RBPJ: variants seen among roughly 807,000 people sequenced by gnomAD.
RBPJ encodes recombination signal binding protein for immunoglobulin kappa J region, also known as recombining binding protein suppressor of hairless.
RBPJ carries 9 observed loss-of-function variants against 67.8 expected under a neutral mutation model. The ratio of observed to expected loss-of-function variants is 0.13; its 90% CI spans 0.08 to 0.23. The LOEUF (loss-of-function observed/expected upper bound fraction) is 0.23. Ranked by LOEUF, RBPJ falls within the 10% of genes least tolerant of loss-of-function variation. The probability of loss-of-function intolerance (pLI) is 1.00; values close to 1 mark genes in which losing one functional copy is unlikely to be tolerated. For missense variants in RBPJ, 305 were observed against 595.6 expected (o/e 0.51, Z 5.08); for synonymous variants, 198 against 203.3 (o/e 0.97, Z 0.22).
rs112824294 is a variant in RBPJ at position 26,374,495 on chromosome 4, A to G, written c.21-11858A>G. Among the ~76,000 whole-genome samples, 1,277 of 146,576 alleles carry G rather than the reference A, an allele frequency of 8.7e-3. 7 individuals carry two copies. Among genetic ancestry groups the G allele is most frequent in the Middle Eastern group, 0.028 (8 of 286 alleles). ...CACCCTTTTCTTTTTTTTTTTTTCGAGATGGAATCTCGCTCTGTCACCAGG... is the reference window on the plus strand; with the variant it reads ...CACCCTTTTCTTTTTTTTTTTTTCGGGATGGAATCTCGCTCTGTCACCAGG... On this transcript the variant is annotated intron_variant, in intron 1 of 10. Coordinates refer to ENST00000355476, the MANE Select transcript of RBPJ (RefSeq NM_015874.6).
upstream of RBPJ, among the ~76,000 whole-genome samples, chr4:26,316,044 A>G (rs1460955645): frequency 6.6e-6 from 1 of 152,088 alleles, no homozygotes; most frequent in Non-Finnish European, 1.5e-5. Flanking sequence ...TTTACAATCA[A>G]TTTGTACAAC....
intron 1 of RBPJ, among the ~76,000 whole-genome samples, chr4:26,199,262 G>A (rs1717895237): frequency 6.6e-6 from 1 of 152,144 alleles, no homozygotes; most frequent in Non-Finnish European, 1.5e-5. Context: ...TGGCCAACAT[G>A]GTGAAACCCC....
At chr4:26,255,796 C>A (rs1366685894) in intron 1 of RBPJ, among the ~76,000 whole-genome samples, 1 of 140,400 alleles carries the variant, frequency 7.1e-6, no homozygotes, top group Non-Finnish European at 1.5e-5. Flanking sequence ...AGCAAGACTC[C>A]GTCTCAAAAA....
chr4:26,399,851 G>C (rs1288484720), intron 2 of RBPJ, among the ~76,000 whole-genome samples: 2 of 151,942 alleles, frequency 1.3e-5, no homozygotes, highest in Admixed American at 1.3e-4. Context: ...GCTAGTTTTT[G>C]TATTTTTTGT....
intron 1 of RBPJ, among the ~76,000 whole-genome samples, chr4:26,232,869 C>A (rs1473304016): frequency 6.6e-6 from 1 of 152,116 alleles, no homozygotes; most frequent in African/African-American, 2.4e-5. Flanking sequence ...AAATAAATCC[C>A]TATATGTAAA....
At chr4:26,139,659 A>G in the RBPJ span, among the ~76,000 whole-genome samples, 3 of 152,034 alleles carry the variant, frequency 2.0e-5, no homozygotes, top group Admixed American at 2.0e-4. Flanking sequence ...GCAGAGGCAA[A>G]TGGAGCCTGG....
chr4:26,351,054 CTATATTATATACGTTATATATTA>C (rs1577497520), intron 1 of RBPJ, among the ~76,000 whole-genome samples: 1 of 151,874 alleles, frequency 6.6e-6, no homozygotes, highest in East Asian at 1.9e-4. Context: ...TAATGGAACA[CTATATTATATACGTTATATATTA>C]TATATTATAT....
At chr4:26,124,131 G>A in the RBPJ span, among the ~76,000 whole-genome samples, 1 of 151,804 alleles carries the variant, frequency 6.6e-6, no homozygotes, top group South Asian at 2.1e-4. Context: ...GGCGATTTGT[G>A]AGATTATGGG....
intron 1 of RBPJ, among the ~76,000 whole-genome samples, chr4:26,244,791 C>T (rs897147845): frequency 6.6e-6 from 1 of 151,904 alleles, no homozygotes; most frequent in Non-Finnish European, 1.5e-5. Flanking sequence ...CAGGCCCACA[C>T]ACCCGGCTAA....
upstream of RBPJ, among the ~76,000 whole-genome samples, chr4:26,161,509 C>T (rs1335294716): frequency 4.6e-5 from 7 of 152,172 alleles, no homozygotes; most frequent in Admixed American, 2.6e-4. Flanking sequence ...TAACAAAGAT[C>T]CCACTGGGTC....
intron 5 of RBPJ, among the ~76,000 whole-genome samples, chr4:26,421,583 G>A (rs1181392454): frequency 6.6e-6 from 1 of 152,072 alleles, no homozygotes; most frequent in Non-Finnish European, 1.5e-5. Flanking sequence ...GATTGCAGGC[G>A]TGAGCCACCA....
Position 26,433,329 on chromosome 4 carries a change from T to C in RBPJ, c.*2322T>C, listed in dbSNP as rs573509138. 111 of 152,326 alleles carry C rather than the reference T, an allele frequency of 7.3e-4. No homozygotes were observed. The highest frequency in any genetic ancestry group is 2.5e-3 in the African/African-American group (103 of 41,580). 9.4% of individuals were successfully genotyped at this position (152,326 alleles called of 1,614,324 possible). A position where few individuals can be genotyped will look rare whatever the true frequency, so the allele number is the denominator to read the frequency against. On this transcript the variant is annotated 3_prime_UTR_variant, in exon 11 of 11. Coordinates refer to ENST00000355476, the MANE Select transcript of RBPJ (RefSeq NM_015874.6). ...AGTGCTTTTGTTCAGAGCATGGACA[T>C]GTTCCTAGTGCTGCTTTGCTTTAAC...
chr4:26,149,582 T>C, the RBPJ span, among the ~76,000 whole-genome samples: 2 of 152,194 alleles, frequency 1.3e-5, no homozygotes, highest in Non-Finnish European at 2.9e-5. Flanking sequence ...TGTCATTATC[T>C]TGGGAGTAGG....
Position 26,354,034 on chromosome 4 carries a change from C to T in RBPJ, c.21-32319C>T, listed in dbSNP as rs567572185. The stretch of plus-strand genomic sequence containing the variant: ...CAAGCTCTGCCTCCCGGGTTCACGC[C>T]ATTCTCCTGCCTCAGCCTCCCGAGT... On this transcript the variant is annotated intron_variant, in intron 1 of 10. Coordinates refer to ENST00000355476, the MANE Select transcript of RBPJ (RefSeq NM_015874.6). Among the ~76,000 whole-genome samples, 3 of 148,814 alleles carry T rather than the reference C, an allele frequency of 2.0e-5. No homozygotes were observed. In the East Asian group the frequency reaches 6.1e-4, roughly 30 times the overall value.
chr4:26,385,250 A>C (rs1730792152), intron 1 of RBPJ, among the ~76,000 whole-genome samples: 1 of 151,546 alleles, frequency 6.6e-6, no homozygotes, highest in Non-Finnish European at 1.5e-5. Flanking sequence ...CGAACTCCTG[A>C]CCTCAGGTGA....
At chr4:26,202,373 C>T (rs774369918) in intron 1 of RBPJ, among the ~76,000 whole-genome samples, 1 of 151,664 alleles carries the variant, frequency 6.6e-6, no homozygotes, top group Non-Finnish European at 1.5e-5. Context: ...AATAGGCTGC[C>T]TACTTGACAC....
intron 1 of RBPJ, among the ~76,000 whole-genome samples, chr4:26,294,918 T>A (rs149577461): frequency 2.8e-4 from 43 of 151,736 alleles, no homozygotes; most frequent in African/African-American, 9.7e-4. Flanking sequence ...AGTTTAACAA[T>A]AGGACTAACA....
chr4:26,242,797 C>T (rs573728457), intron 1 of RBPJ, among the ~76,000 whole-genome samples: 138 of 151,468 alleles, frequency 9.1e-4, no homozygotes, highest in African/African-American at 3.2e-3. Flanking sequence ...CTTAAACCTC[C>T]ATACTTAAAT....
intron 4 of RBPJ, among the ~76,000 whole-genome samples, chr4:26,416,342 C>T (rs530993182): frequency 1.3e-5 from 2 of 152,260 alleles, no homozygotes; most frequent in African/African-American, 4.8e-5. Context: ...TGACTGCAAC[C>T]TCCACCTCAC....
Sources: allele counts gnomAD v4.1 joint callset (sites outside exome capture counted in the v4.1 genomes callset), GRCh38; gene constraint gnomAD v4.1.1; transcripts MANE v1.5; gene names NCBI Gene and HGNC (gene_info 2026-07-23, HGNC 2026-07-21).